Variants in PLEKHB2 observed in about 807,000 individuals in gnomAD.
PLEKHB2 encodes pleckstrin homology domain-containing family B member 2.
In PLEKHB2, 31 loss-of-function variants were observed where a neutral mutation model predicts 36.5. The ratio of observed to expected loss-of-function variants is 0.85; its 90% CI spans 0.64 to 1.15. The LOEUF (loss-of-function observed/expected upper bound fraction) is 1.15. PLEKHB2 is among the 50% of genes most tolerant of loss of function. The pLI is 0.00. For missense variants in PLEKHB2, 262 were observed against 295.3 expected (o/e 0.89, Z 0.83); for synonymous variants, 119 against 112.0 (o/e 1.06, Z -0.39).
At chr2:131,123,541 T>C (rs777959319) in intron 2 of PLEKHB2, among the ~76,000 whole-genome samples, 5 of 152,316 alleles carry the variant, frequency 3.3e-5, no homozygotes, top group African/African-American at 1.2e-4. Context: ...TTTTGTTTGT[T>C]TGAGACAGAG....
intron 6 of PLEKHB2, among the ~76,000 whole-genome samples, chr2:131,136,970 G>A (rs1698322329): frequency 6.8e-6 from 1 of 146,762 alleles, no homozygotes. Flanking sequence ...TTTTGAGACG[G>A]AGTCTCACTC....
intron 1 of PLEKHB2, among the ~76,000 whole-genome samples, chr2:131,108,272 A>G (rs1196523982): frequency 1.3e-5 from 2 of 152,362 alleles, no homozygotes; most frequent in South Asian, 4.1e-4. Flanking sequence ...CTTACATTTT[A>G]AAGCTTTGCA....
intron 4 of PLEKHB2, among the ~76,000 whole-genome samples, chr2:131,129,193 C>T (rs1697400087): frequency 1.3e-5 from 2 of 151,562 alleles, no homozygotes; most frequent in Admixed American, 1.3e-4. Flanking sequence ...GGCGTGGTGG[C>T]AGGCACCTGT....
intron 1 of PLEKHB2, among the ~76,000 whole-genome samples, chr2:131,106,385 C>G (rs1489197953): frequency 6.6e-6 from 1 of 152,092 alleles, no homozygotes; most frequent in Admixed American, 6.6e-5. Context: ...TGGTATGAAC[C>G]AGTACCAATT....
intron 6 of PLEKHB2, among the ~76,000 whole-genome samples, chr2:131,138,156 A>G (rs924756123): frequency 1.3e-5 from 2 of 149,944 alleles, no homozygotes; most frequent in Admixed American, 1.3e-4. Context: ...TCATTGAACT[A>G]TTTAAATTGG....
rs1699489560 is a variant in PLEKHB2, at chr2:131,148,964, T to C, written c.*2191T>C. The C allele has an allele frequency of 3.3e-5, 5 of 152,198 alleles. No homozygotes were observed. In the South Asian group the frequency reaches 1.0e-3, roughly 32 times the overall value. 9.4% of individuals were successfully genotyped at this position (152,198 alleles called of 1,614,324 possible). A position where few individuals can be genotyped will look rare whatever the true frequency, so the allele number is the denominator to read the frequency against. ...TGGGAATTCCAGGAACCACAGAGTA[T>C]TGATTTTTGCTGCCAAAATGCTCTT... On this transcript the variant is annotated 3_prime_UTR_variant, in exon 8 of 8. Coordinates refer to ENST00000693505, the MANE Select transcript of PLEKHB2 (RefSeq NM_001100623.2).
chr2:131,130,776 C>A lies in PLEKHB2; in HGVS notation c.333+16C>A. 6.3e-7 allele frequency: 1 copy of A among 1,587,000 alleles called. No individual in the cohort carries two copies. Among genetic ancestry groups the A allele is most frequent in the Non-Finnish European group, 8.6e-7 (1 of 1,156,324 alleles). On this transcript the variant is annotated intron_variant, in intron 5 of 7. Coordinates refer to ENST00000693505, the MANE Select transcript of PLEKHB2 (RefSeq NM_001100623.2). ...GACAAACACAGTAAGTTGCTAATGG[C>A]AATCACCAATAATTTTTTTTTTTTT... is the stretch of plus-strand genomic sequence containing the variant.
chr2:131,141,827 G>C (rs953483157), intron 7 of PLEKHB2, among the ~76,000 whole-genome samples: 8 of 152,062 alleles, frequency 5.3e-5, no homozygotes, highest in African/African-American at 1.9e-4. Context: ...AGACTAATTG[G>C]TATAAACAAG....
chr2:131,109,661 G>A (rs1695089140), intron 1 of PLEKHB2, among the ~76,000 whole-genome samples: 1 of 152,054 alleles, frequency 6.6e-6, no homozygotes, highest in African/African-American at 2.4e-5. Flanking sequence ...CTATACTCCA[G>A]CCTGGGCAAC....
chr2:131,131,824 A>G (rs1697730147), intron 5 of PLEKHB2, among the ~76,000 whole-genome samples: 1 of 151,208 alleles, frequency 6.6e-6, no homozygotes, highest in South Asian at 2.1e-4. Context: ...AAGCTCCCCA[A>G]ATGATTCTTT....
At chr2:131,144,859 A>G (rs1018387086) in intron 7 of PLEKHB2, among the ~76,000 whole-genome samples, 14 of 152,202 alleles carry the variant, frequency 9.2e-5, no homozygotes, top group African/African-American at 3.4e-4. Flanking sequence ...CACAAGTTCT[A>G]TTGTGTTACA....
At chr2:131,123,766 A>ACCCTCCC (rs1696782658) in intron 2 of PLEKHB2, among the ~76,000 whole-genome samples, 2 of 11,530 alleles carry the variant, frequency 1.7e-4, no homozygotes, top group Non-Finnish European at 3.3e-4. Context: ...CTCCTGGTCC[A>ACCCTCCC]CCCCCCCCAC....
chr2:131,144,861 T>G (rs964464660), intron 7 of PLEKHB2, among the ~76,000 whole-genome samples: 3 of 152,258 alleles, frequency 2.0e-5, no homozygotes, highest in African/African-American at 7.2e-5. Flanking sequence ...CAAGTTCTAT[T>G]GTGTTACATT....
At chr2:131,110,854 C>G (rs1695238016) in intron 1 of PLEKHB2, among the ~76,000 whole-genome samples, 1 of 152,114 alleles carries the variant, frequency 6.6e-6, no homozygotes, top group Admixed American at 6.6e-5. Flanking sequence ...TTTCAGTCAT[C>G]CTACCTATGG....
rs149498851 is a variant in PLEKHB2, at chr2:131,140,155, G to A, written c.424-12G>A. 3.2e-4 allele frequency: 495 copies of A among 1,561,370 alleles called. 1 individual carries two copies. In the African/African-American group the frequency reaches 5.7e-3, roughly 18 times the overall value. ...TCACAATTGTATTTCTAATGGGCCT[G>A]TTTCTTTTCAGCAGGCTTATGGCTA... On this transcript the variant is annotated splice_polypyrimidine_tract_variant and intron_variant, in intron 6 of 7. Transcript: ENST00000693505.
At chr2:131,119,688 A>G (rs781762241) in intron 1 of PLEKHB2, among the ~76,000 whole-genome samples, 12 of 152,144 alleles carry the variant, frequency 7.9e-5, no homozygotes, top group South Asian at 2.1e-4. Flanking sequence ...AGGTTGCATC[A>G]GTTTTCTTTC....
intron 1 of PLEKHB2, among the ~76,000 whole-genome samples, chr2:131,112,961 T>C (rs1695476411): frequency 6.6e-6 from 1 of 152,164 alleles, no homozygotes; most frequent in Admixed American, 6.5e-5. Flanking sequence ...CCCTGACTTG[T>C]GGCTGGTGTC....
intron 4 of PLEKHB2, chr2:131,127,007 G>C (rs1697170479): frequency 4.1e-6 from 2 of 484,658 alleles, no homozygotes; most frequent in Non-Finnish European, 7.4e-6. Flanking sequence ...ATGGCAGAAA[G>C]GAATAGCAGT....
intron 2 of PLEKHB2, among the ~76,000 whole-genome samples, chr2:131,122,195 G>A (rs985701935): frequency 7.2e-5 from 11 of 152,230 alleles, no homozygotes; most frequent in Admixed American, 5.2e-4. Context: ...GATTACAGGC[G>A]TGAGCCACCG....
Sources: allele counts gnomAD v4.1 joint callset (sites outside exome capture counted in the v4.1 genomes callset), GRCh38; gene constraint gnomAD v4.1.1; transcripts MANE v1.5; gene names NCBI Gene and HGNC (gene_info 2026-07-23, HGNC 2026-07-21).